The following KMT2C variants were observed in gnomAD, a reference collection of about 807,000 sequenced individuals.
KMT2C encodes the protein histone-lysine N-methyltransferase 2C.
A neutral mutation model predicts 507.9 loss-of-function variants in KMT2C; 88 were observed. The ratio of observed to expected loss-of-function variants is 0.17; its 90% CI spans 0.15 to 0.21. The LOEUF (loss-of-function observed/expected upper bound fraction) is 0.21, where lower values mean the gene tolerates loss of function less well. Ranked by LOEUF, KMT2C falls within the 10% of genes least tolerant of loss-of-function variation. The pLI is 1.00. For missense variants in KMT2C, 4,954 were observed against 5,957.8 expected (o/e 0.83, Z 5.55); for synonymous variants, 2,049 against 2,080.8 (o/e 0.98, Z 0.42).
chr7:152,194,920 T>C (rs1052278355), intron 28 of KMT2C, among the ~76,000 whole-genome samples: 8 of 150,448 alleles, frequency 5.3e-5, no homozygotes, highest in Admixed American at 1.3e-4. Context: ...ATTTGGAAAA[T>C]AGTGTTATCA....
At chr7:152,316,573 CT>C (rs1384894771) in intron 3 of KMT2C, among the ~76,000 whole-genome samples, 1 of 152,030 alleles carries the variant, frequency 6.6e-6, no homozygotes, top group African/African-American at 2.4e-5. Flanking sequence ...CCAAATCCTC[CT>C]TCTTGGGCAT....
Position 152,231,914 on chromosome 7 carries a change from A to G in KMT2C, c.2770-1593T>C, listed in dbSNP as rs184208020. On this transcript the variant is annotated intron_variant, in intron 16 of 58. Coordinates refer to ENST00000262189, the MANE Select transcript of KMT2C (RefSeq NM_170606.3). ...TTTGTTTTTGAGACAGAGTCTCACTATGTCGCCCAGGCTGGAGTGCAGTGG... is the reference window on the plus strand; with the variant it reads ...TTTGTTTTTGAGACAGAGTCTCACTGTGTCGCCCAGGCTGGAGTGCAGTGG... Among the ~76,000 whole-genome samples the G allele has an allele frequency of 1.3e-4, 20 of 151,734 alleles. No homozygotes were observed. In the East Asian group the frequency reaches 3.9e-3, roughly 30 times the overall value.
At chr7:152,288,710 C>T (rs1451760909) in intron 6 of KMT2C, among the ~76,000 whole-genome samples, 1 of 152,016 alleles carries the variant, frequency 6.6e-6, no homozygotes, top group African/African-American at 2.4e-5. Context: ...TAAGAGGATA[C>T]ACACAAATAA....
intron 33 of KMT2C, among the ~76,000 whole-genome samples, 173 bp downstream of exon 33, chr7:152,187,089 G>A (rs899820192): frequency 1.3e-5 from 2 of 151,888 alleles, no homozygotes; most frequent in Admixed American, 1.3e-4. Context: ...ATGGATGCAG[G>A]GTCTAGGACA....
chr7:152,411,677 T>A (rs1158281044), intron 1 of KMT2C, among the ~76,000 whole-genome samples: 1 of 152,180 alleles, frequency 6.6e-6, no homozygotes, highest in African/African-American at 2.4e-5. Context: ...GCCTCTAATG[T>A]TAACGCTTTA....
chr7:152,416,841 AGGAGTTCAAGACT>A (rs2097743104), intron 1 of KMT2C, among the ~76,000 whole-genome samples: 1 of 151,958 alleles, frequency 6.6e-6, no homozygotes, highest in Non-Finnish European at 1.5e-5. Context: ...CACTTGAGAC[AGGAGTTCAAGACT>A]AGCCTGGCCA....
chr7:152,341,664 A>G (rs1263177318), intron 2 of KMT2C, among the ~76,000 whole-genome samples: 1 of 152,204 alleles, frequency 6.6e-6, no homozygotes, highest in Admixed American at 6.5e-5. Context: ...ATATAATTTT[A>G]AATAATATAC....
intron 1 of KMT2C, among the ~76,000 whole-genome samples, chr7:152,430,955 C>T (rs1191895810): frequency 6.6e-6 from 1 of 152,194 alleles, no homozygotes; most frequent in Admixed American, 6.5e-5. Flanking sequence ...CAACCACTAT[C>T]TACCCAGAGA....
At chr7:152,166,116 C>G (rs1196465589) in intron 42 of KMT2C, among the ~76,000 whole-genome samples, 2 of 151,030 alleles carry the variant, frequency 1.3e-5, no homozygotes, top group African/African-American at 4.9e-5. Context: ...CATTATAGAG[C>G]ACTCACATTT....
At chr7:152,309,507 CTTTTTTTTTTT>C (rs60166582) in intron 6 of KMT2C, among the ~76,000 whole-genome samples, 8 of 87,970 alleles carry the variant, frequency 9.1e-5, no homozygotes, top group Admixed American at 2.6e-4. Context: ...CATAAAATAA[CTTTTTTTTTTT>C]TTTTTTTTTT....
chr7:152,149,372 G>A (rs183669641), intron 51 of KMT2C, among the ~76,000 whole-genome samples: 430 of 152,204 alleles, frequency 2.8e-3, no homozygotes, highest in Admixed American at 6.4e-3. Flanking sequence ...GCTGTGCCGC[G>A]TCCTTTCGAG....
chr7:152,174,943 T>C lies in KMT2C; in HGVS notation c.9263-701A>G, dbSNP rs2093131148. Among the ~76,000 whole-genome samples, 4 of 152,310 alleles carry C rather than the reference T, an allele frequency of 2.6e-5. No homozygotes were observed. The South Asian group carries it at 8.3e-4, about 32-fold the overall frequency. On this transcript the variant is annotated intron_variant, in intron 38 of 58. Transcript: ENST00000262189. ...GCATTTGTCATACACAAAAGGACAG[T>C]AAGAAGCTTTATTTCCATCATAATT...
At chr7:152,151,086 G>T in intron 50 of KMT2C, 79 bp from the exon 51 acceptor site, 1 of 840,624 alleles carries the variant, frequency 1.2e-6, no homozygotes, top group Non-Finnish European at 1.9e-6. Context: ...TTATTTTTAT[G>T]TTATATTCAA....
rs193068619 is a variant in KMT2C at position 152,187,961 on chromosome 7, C to T, written c.4661-114G>A. 2.6e-3 allele frequency: 2,534 copies of T among 963,208 alleles called. 12 individuals carry two copies. The highest frequency in any genetic ancestry group is 3.9e-3 in the South Asian group (221 of 56,300). 59.7% of individuals were successfully genotyped at this position (963,208 alleles called of 1,614,324 possible). On this transcript the variant is annotated intron_variant, in intron 31 of 58. Coordinates refer to ENST00000262189, the MANE Select transcript of KMT2C (RefSeq NM_170606.3). ...AACTGCATGGGTCCACATAAACACACATTTTTTTCAACTGAATGTGGATAG... is the reference window on the plus strand; with the variant it reads ...AACTGCATGGGTCCACATAAACACATATTTTTTTCAACTGAATGTGGATAG...
intron 9 of KMT2C, among the ~76,000 whole-genome samples, chr7:152,254,908 G>A (rs377019975): frequency 3.3e-5 from 5 of 151,360 alleles, no homozygotes; most frequent in Admixed American, 2.0e-4. Flanking sequence ...CACAAATAAC[G>A]AGTTAAAGGA....
At position 152,180,794 on chromosome 7, in the gene KMT2C, G is replaced by T. The variant is rs1212592348; in HGVS notation, c.7066C>A (p.Pro2356Thr). 2 of 1,614,044 alleles carry T rather than the reference G, an allele frequency of 1.2e-6. No individual in the cohort carries two copies. The highest frequency in any genetic ancestry group is 1.3e-5 in the African/African-American group (1 of 74,918). Residue 2356 changes from proline to threonine, a missense_variant, in exon 36 of 59, where the codon CCT (proline) becomes ACT (threonine). This residue lies in a region of KMT2C where 1,689 missense variants were observed against 1,654.3 expected (regional missense o/e 1.02). Transcript: ENST00000262189. ...ACTCCTGAAGTTGGCACAGGTCCAG[G>T]AAGTTGGGAGACACCAGAGAACTGC... ...GQQFSGVSQL[P>T]GPVPTSGVTD...
chr7:152,393,451 T>A (rs1322018223), intron 1 of KMT2C, among the ~76,000 whole-genome samples: 1 of 152,088 alleles, frequency 6.6e-6, no homozygotes, highest in African/African-American at 2.4e-5. Flanking sequence ...AAATGGGCAA[T>A]GACAAACAGA....
chr7:152,387,436 A>AGT (rs1554699487), intron 1 of KMT2C, among the ~76,000 whole-genome samples: 3 of 132,596 alleles, frequency 2.3e-5, no homozygotes, highest in Admixed American at 8.0e-5. Context: ...GCCAAAAAAA[A>AGT]AAGTGACAAA....
At chr7:152,417,338 G>A (rs530589182) in intron 1 of KMT2C, among the ~76,000 whole-genome samples, 28 of 152,098 alleles carry the variant, frequency 1.8e-4, no homozygotes, top group Admixed American at 8.5e-4. Context: ...GGCTGGTCTC[G>A]AACTCCTGAC....
Sources: gnomAD v4.1 joint callset for allele counts (sites outside exome capture counted in the v4.1 genomes callset) on GRCh38, gnomAD v4.1.1 for gene constraint, gnomAD v4.1.1 regional missense constraint, MANE v1.5 for transcripts, NCBI Gene and HGNC (gene_info 2026-07-23, HGNC 2026-07-21) for gene names.